GADL1: variants seen among roughly 807,000 people sequenced by gnomAD.
GADL1 encodes GAD like acidic amino acid decarboxylase 1, also known as acidic amino acid decarboxylase GADL1.
GADL1 carries 71 observed loss-of-function variants against 69.5 expected under a neutral mutation model. That is an observed-to-expected ratio of 1.02 (90% CI 0.84 to 1.25). The LOEUF (loss-of-function observed/expected upper bound fraction) is 1.25, where lower values mean the gene tolerates loss of function less well. GADL1 is among the 50% of genes most tolerant of loss of function. The probability of loss-of-function intolerance (pLI) is 0.00; values close to 1 mark genes in which losing one functional copy is unlikely to be tolerated. For missense variants in GADL1, 737 were observed against 631.8 expected (o/e 1.17, Z -1.79); for synonymous variants, 254 against 214.4 (o/e 1.18, Z -1.62).
At chr3:30,842,822 T>TTAAAA (rs1553602110) in intron 8 of GADL1, among the ~76,000 whole-genome samples, 2 of 103,488 alleles carry the variant, frequency 1.9e-5, no homozygotes, top group Admixed American at 1.2e-4. Flanking sequence ...TTGGAATGTT[T>TTAAAA]AAAAAAAAAA....
At chr3:30,760,306 T>C (rs983115139) in intron 14 of GADL1, among the ~76,000 whole-genome samples, 1 of 152,178 alleles carries the variant, frequency 6.6e-6, no homozygotes, top group Admixed American at 6.5e-5. Flanking sequence ...TTACATCTCT[T>C]TGTGCCTTAT....
intron 11 of GADL1, among the ~76,000 whole-genome samples, chr3:30,812,054 A>AAACC (rs1401191877): frequency 6.6e-6 from 1 of 152,192 alleles, no homozygotes; most frequent in African/African-American, 2.4e-5. Flanking sequence ...CTGATAACAT[A>AAACC]AACCAGGGTG....
chr3:30,745,170 T>G (rs1695684012), intron 14 of GADL1, among the ~76,000 whole-genome samples: 1 of 152,230 alleles, frequency 6.6e-6, no homozygotes, highest in Admixed American at 6.5e-5. Flanking sequence ...CTTTAATCTT[T>G]CTGTGTGCTA....
At chr3:30,796,309 T>C (rs1161071945) in intron 12 of GADL1, among the ~76,000 whole-genome samples, 2 of 152,196 alleles carry the variant, frequency 1.3e-5, no homozygotes, top group African/African-American at 2.4e-5. Flanking sequence ...GACCGTAGAC[T>C]GTCTTGTTTT....
chr3:30,806,286 T>C (rs1433495348), intron 11 of GADL1, among the ~76,000 whole-genome samples: 1 of 152,176 alleles, frequency 6.6e-6, no homozygotes, highest in Non-Finnish European at 1.5e-5. Flanking sequence ...AAATTATGTA[T>C]TGAGGACCTA....
chr3:30,818,298 C>A (rs993006989), intron 11 of GADL1, among the ~76,000 whole-genome samples: 14 of 152,244 alleles, frequency 9.2e-5, no homozygotes, highest in African/African-American at 3.1e-4. Flanking sequence ...AACTTAAAAG[C>A]AAATATAATT....
At chr3:30,765,148 T>C (rs1425663237) in intron 14 of GADL1, among the ~76,000 whole-genome samples, 1 of 152,122 alleles carries the variant, frequency 6.6e-6, no homozygotes, top group Non-Finnish European at 1.5e-5. Flanking sequence ...AAGGCAACAT[T>C]AGAAGAGCCA....
At chr3:30,892,221 A>T (rs922899538) in intron 1 of GADL1, among the ~76,000 whole-genome samples, 1 of 152,240 alleles carries the variant, frequency 6.6e-6, no homozygotes, top group Non-Finnish European at 1.5e-5. Context: ...CAGAATAAGA[A>T]TTCTTTATCT....
At chr3:30,781,266 C>G (rs774971725) in intron 13 of GADL1, among the ~76,000 whole-genome samples, 1 of 152,080 alleles carries the variant, frequency 6.6e-6, no homozygotes, top group Non-Finnish European at 1.5e-5. Context: ...TTCTAAAGTT[C>G]TTTATCAATT....
chr3:30,841,295 T>C (rs1697961929), intron 8 of GADL1, among the ~76,000 whole-genome samples: 1 of 152,200 alleles, frequency 6.6e-6, no homozygotes, highest in South Asian at 2.1e-4. Context: ...ATTGCCCTAC[T>C]TTTAAATGTG....
chr3:30,765,809 A>G (rs1436685040), intron 14 of GADL1, among the ~76,000 whole-genome samples: 1 of 152,236 alleles, frequency 6.6e-6, no homozygotes, highest in Non-Finnish European at 1.5e-5. Context: ...ATTGTAATGC[A>G]TCATCCCTAT....
chr3:30,835,311 G>A, intron 9 of GADL1, among the ~76,000 whole-genome samples: 1 of 152,038 alleles, frequency 6.6e-6, no homozygotes, highest in East Asian at 1.9e-4. Flanking sequence ...GTAAGTTCAG[G>A]GGTTGCTTAG....
chr3:30,763,504 C>T (rs61619382), intron 14 of GADL1, among the ~76,000 whole-genome samples: 1 of 8,210 alleles, frequency 1.2e-4, no homozygotes, highest in Non-Finnish European at 2.0e-4. Flanking sequence ...TCCGTCTCGG[C>T]GGCGGGGGGT....
chr3:30,764,739 C>T (rs566528892), intron 14 of GADL1, among the ~76,000 whole-genome samples: 1 of 152,262 alleles, frequency 6.6e-6, no homozygotes, highest in East Asian at 1.9e-4. Context: ...ACTAAACTGC[C>T]ACAGTATTCT....
Position 30,839,514 on chromosome 3 carries a change from C to CAAAA in GADL1, c.787-405_787-402dup, listed in dbSNP as rs764490080. 2.8e-3 allele frequency among the ~76,000 whole-genome samples: 298 copies of CAAAA among 105,646 alleles called. 19 individuals are homozygous for CAAAA. Among genetic ancestry groups the CAAAA allele is most frequent in the African/African-American group, 0.014 (278 of 20,340 alleles). The allele number at this position is 105,646 out of a possible 152,430, so 69.3% of individuals were successfully genotyped here. Reference sequence around the variant, plus strand: ...CATTGTGCCATCATTGTCATCTTCTCAAAAAAAAAAAAAGGTTGGAAGACA... The same window carrying CAAAA: ...CATTGTGCCATCATTGTCATCTTCTCAAAAAAAAAAAAAAAAAGGTTGGAAGACA... On this transcript the variant is annotated intron_variant, in intron 8 of 14. Coordinates refer to ENST00000282538, the MANE Select transcript of GADL1 (RefSeq NM_207359.3).
chr3:30,877,408 A>G (rs1698592284), intron 1 of GADL1, among the ~76,000 whole-genome samples: 2 of 151,922 alleles, frequency 1.3e-5, no homozygotes, highest in African/African-American at 4.8e-5. Flanking sequence ...TGTGCCATCA[A>G]CTTGAAAAAT....
intron 14 of GADL1, among the ~76,000 whole-genome samples, chr3:30,772,854 T>C (rs895912368): frequency 1.3e-5 from 2 of 152,130 alleles, no homozygotes; most frequent in African/African-American, 4.8e-5. Context: ...CCAGCCCAGG[T>C]GACAGAGTGA....
intron 8 of GADL1, among the ~76,000 whole-genome samples, chr3:30,840,412 C>T (rs1017193880): frequency 1.3e-5 from 2 of 152,142 alleles, no homozygotes; most frequent in Non-Finnish European, 2.9e-5. Flanking sequence ...TCAATCCCAT[C>T]TACCCAAAAC....
chr3:30,852,638 C>T (rs549054523), intron 4 of GADL1, among the ~76,000 whole-genome samples: 1 of 141,250 alleles, frequency 7.1e-6, no homozygotes, highest in Admixed American at 7.5e-5. Flanking sequence ...TAGTTACTTT[C>T]ATAATAAAAA....
Sources: allele counts gnomAD v4.1 joint callset (sites outside exome capture counted in the v4.1 genomes callset), GRCh38; gene constraint gnomAD v4.1.1; transcripts MANE v1.5; gene names NCBI Gene and HGNC (gene_info 2026-07-23, HGNC 2026-07-21).